INPP4B: variants seen among roughly 807,000 people sequenced by gnomAD.
The protein encoded by INPP4B is inositol polyphosphate 4-phosphatase type II.
In INPP4B, 55 loss-of-function variants were observed where a neutral mutation model predicts 122.5. The ratio of observed to expected loss-of-function variants is 0.45; its 90% CI spans 0.36 to 0.56. The LOEUF (loss-of-function observed/expected upper bound fraction) is 0.56. Among genes scored for constraint, INPP4B ranks in the 20% least tolerant of loss-of-function variants. The pLI, the probability that INPP4B is intolerant of heterozygous loss-of-function variation, is 0.00. For synonymous variants in INPP4B, 403 were observed against 388.7 expected (o/e 1.04, Z -0.43); for missense variants, 1,000 against 1,097.7 (o/e 0.91, Z 1.26).
chr4:142,703,791 C>T (rs1382627265), intron 2 of INPP4B, among the ~76,000 whole-genome samples: 2 of 152,094 alleles, frequency 1.3e-5, no homozygotes, highest in East Asian at 3.9e-4. Context: ...CAGATGCATT[C>T]CAGTAGGTAA....
At chr4:142,352,286 C>T (rs1782154316) in intron 7 of INPP4B, among the ~76,000 whole-genome samples, 1 of 151,852 alleles carries the variant, frequency 6.6e-6, no homozygotes, top group Non-Finnish European at 1.5e-5. Flanking sequence ...CTTTCTTCCA[C>T]AATTGGCAGT....
chr4:142,045,971 T>C (rs934353926), intron 25 of INPP4B, among the ~76,000 whole-genome samples: 4 of 151,950 alleles, frequency 2.6e-5, no homozygotes, highest in Non-Finnish European at 5.9e-5. Flanking sequence ...CGGTGAGGAC[T>C]TTTTTTCAAT....
At chr4:142,840,324 C>A (rs1335029592) in intron 1 of INPP4B, among the ~76,000 whole-genome samples, 1 of 152,124 alleles carries the variant, frequency 6.6e-6, no homozygotes, top group African/African-American at 2.4e-5. Context: ...ATTTGCTCAG[C>A]AGATGCTGTG....
intron 7 of INPP4B, among the ~76,000 whole-genome samples, chr4:142,377,837 C>G (rs1432013752): frequency 6.6e-6 from 1 of 151,910 alleles, no homozygotes; most frequent in East Asian, 1.9e-4. Flanking sequence ...TTCAAACAAC[C>G]CTGGTGCACC....
intron 1 of INPP4B, among the ~76,000 whole-genome samples, chr4:142,791,277 G>C (rs1261056335): frequency 6.6e-6 from 1 of 152,076 alleles, no homozygotes; most frequent in African/African-American, 2.4e-5. Context: ...TAAAGGGACT[G>C]TTAAATATTG....
At chr4:142,787,169 G>C (rs181493799) in intron 1 of INPP4B, among the ~76,000 whole-genome samples, 1 of 152,168 alleles carries the variant, frequency 6.6e-6, no homozygotes, top group African/African-American at 2.4e-5. Flanking sequence ...TAAATGTCAG[G>C]TTCAGGATAA....
intron 1 of INPP4B, among the ~76,000 whole-genome samples, chr4:142,773,761 A>G (rs1156918478): frequency 6.6e-6 from 1 of 152,240 alleles, no homozygotes; most frequent in Non-Finnish European, 1.5e-5. Flanking sequence ...CATAAGCAAG[A>G]AAACACTATT....
intron 17 of INPP4B, among the ~76,000 whole-genome samples, chr4:142,151,501 G>C (rs1263610500): frequency 2.0e-5 from 3 of 152,140 alleles, no homozygotes; most frequent in African/African-American, 7.2e-5. Flanking sequence ...ATCTGGGAAA[G>C]GAATTCCTTG....
chr4:142,531,676 A>AT (rs936782073), intron 2 of INPP4B, among the ~76,000 whole-genome samples: 82 of 150,202 alleles, frequency 5.5e-4, no homozygotes, highest in East Asian at 2.1e-3. Context: ...TTTTGAGTAG[A>AT]TTTTTTTTTT....
At chr4:142,561,500 C>T (rs1049519059) in intron 2 of INPP4B, among the ~76,000 whole-genome samples, 1 of 152,062 alleles carries the variant, frequency 6.6e-6, no homozygotes, top group Non-Finnish European at 1.5e-5. Context: ...CTCACTGCAA[C>T]CTCTGCCTCC....
intron 1 of INPP4B, among the ~76,000 whole-genome samples, chr4:142,788,696 C>T (rs1220957275): frequency 1.3e-5 from 2 of 152,106 alleles, no homozygotes; most frequent in Non-Finnish European, 2.9e-5. Context: ...TTAGCTCTCA[C>T]TTATGAGTGA....
intron 15 of INPP4B, among the ~76,000 whole-genome samples, chr4:142,191,033 G>A (rs1161986167): frequency 1.3e-5 from 2 of 152,008 alleles, no homozygotes; most frequent in Non-Finnish European, 2.9e-5. Flanking sequence ...AATAGATTAA[G>A]TCAACTCTCA....
At chr4:142,686,225 G>A (rs1033545845) in intron 2 of INPP4B, among the ~76,000 whole-genome samples, 15 of 152,096 alleles carry the variant, frequency 9.9e-5, no homozygotes, top group Non-Finnish European at 1.8e-4. Context: ...ATAACAAAAA[G>A]TGAAAGTTAA....
intron 7 of INPP4B, among the ~76,000 whole-genome samples, chr4:142,319,852 A>C (rs564551004): frequency 2.2e-4 from 34 of 152,278 alleles, no homozygotes; most frequent in Admixed American, 4.6e-4. Context: ...ATTACCACAA[A>C]CTTAGCTGCT....
chr4:142,308,883 G>A (rs765289654), intron 8 of INPP4B, among the ~76,000 whole-genome samples: 15 of 152,066 alleles, frequency 9.9e-5, no homozygotes, highest in Non-Finnish European at 1.6e-4. Flanking sequence ...CAGTTATTCT[G>A]TCCAAAAATG....
intron 9 of INPP4B, among the ~76,000 whole-genome samples, chr4:142,273,627 A>G (rs551825305): frequency 6.6e-6 from 1 of 152,046 alleles, no homozygotes; most frequent in African/African-American, 2.4e-5. Context: ...TACTTTTTCA[A>G]TGATTTTCCT....
chr4:142,643,033 G>T (rs1164448096), intron 2 of INPP4B, among the ~76,000 whole-genome samples: 2 of 152,160 alleles, frequency 1.3e-5, no homozygotes, highest in East Asian at 3.8e-4. Flanking sequence ...TGAAGCAATT[G>T]TGAATGGGAG....
At chr4:142,734,593 C>A (rs1397381852) in intron 1 of INPP4B, among the ~76,000 whole-genome samples, 1 of 152,154 alleles carries the variant, frequency 6.6e-6, no homozygotes, top group South Asian at 2.1e-4. Flanking sequence ...ACATTAAGAT[C>A]CAAATTCATC....
intron 11 of INPP4B, among the ~76,000 whole-genome samples, chr4:142,246,059 ATG>A (rs57285649): frequency 0.77 from 101,471 of 132,514 alleles, 40,310 homozygotes; most frequent in East Asian, 0.93. Context: ...CATTATATAT[ATG>A]TGTGTGTGTA....
Sources: gnomAD v4.1 joint callset for allele counts (sites outside exome capture counted in the v4.1 genomes callset) on GRCh38, gnomAD v4.1.1 for gene constraint, MANE v1.5 for transcripts, NCBI Gene and HGNC (gene_info 2026-07-23, HGNC 2026-07-21) for gene names.